Variants in L3MBTL4 observed in about 807,000 individuals in gnomAD.
L3MBTL4 encodes L3MBTL histone methyl-lysine binding protein 4, also known as lethal(3)malignant brain tumor-like protein 4.
In L3MBTL4, 70 loss-of-function variants were observed where a neutral mutation model predicts 84.5. That is an observed-to-expected ratio of 0.83 (90% CI 0.68 to 1.01). The LOEUF (loss-of-function observed/expected upper bound fraction) is 1.01, where lower values mean the gene tolerates loss of function less well. Among genes scored for constraint, L3MBTL4 ranks in the 50% least tolerant of loss-of-function variants. L3MBTL4 has a pLI of 0.00. For missense variants in L3MBTL4, 715 were observed against 754.8 expected (o/e 0.95, Z 0.62); for synonymous variants, 274 against 259.8 (o/e 1.05, Z -0.52).
intron 1 of L3MBTL4, among the ~76,000 whole-genome samples, chr18:6,411,932 T>C (rs945341120): frequency 1.7e-4 from 26 of 152,258 alleles, no homozygotes; most frequent in Non-Finnish European, 8.8e-5. Context: ...CTATAATATA[T>C]TAATACATGA....
intron 1 of L3MBTL4, among the ~76,000 whole-genome samples, chr18:6,413,676 G>T (rs2056064642): frequency 6.6e-6 from 1 of 152,314 alleles, no homozygotes; most frequent in South Asian, 2.1e-4. Flanking sequence ...AAGGATCCAG[G>T]AGATGGGCCA....
At chr18:6,164,737 G>T (rs998985666) in intron 13 of L3MBTL4, among the ~76,000 whole-genome samples, 1 of 152,182 alleles carries the variant, frequency 6.6e-6, no homozygotes, top group Non-Finnish European at 1.5e-5. Flanking sequence ...GTAAAAAACA[G>T]AGCAGAAAAA....
At chr18:5,979,656 T>A (rs2053117969) in intron 16 of L3MBTL4, among the ~76,000 whole-genome samples, 1 of 152,084 alleles carries the variant, frequency 6.6e-6, no homozygotes, top group Non-Finnish European at 1.5e-5. Context: ...CCTTCAATAG[T>A]GGGTTATTTC....
intron 12 of L3MBTL4, among the ~76,000 whole-genome samples, chr18:6,200,235 T>C (rs560457755): frequency 6.6e-6 from 1 of 152,228 alleles, no homozygotes; most frequent in Non-Finnish European, 1.5e-5. Context: ...ATATTTTGTA[T>C]ATCAATTTGG....
At chr18:6,155,532 G>C (rs910873247) in intron 13 of L3MBTL4, among the ~76,000 whole-genome samples, 2 of 152,182 alleles carry the variant, frequency 1.3e-5, no homozygotes, top group Non-Finnish European at 2.9e-5. Flanking sequence ...TTATCCCAAA[G>C]ACTTGGGTAT....
At chr18:6,154,974 T>A (rs909083731) in intron 13 of L3MBTL4, among the ~76,000 whole-genome samples, 1 of 152,206 alleles carries the variant, frequency 6.6e-6, no homozygotes, top group Non-Finnish European at 1.5e-5. Flanking sequence ...CTTGTCAATC[T>A]AAAAAATATA....
chr18:6,103,987 G>T (rs2058916781), intron 14 of L3MBTL4, among the ~76,000 whole-genome samples: 1 of 152,192 alleles, frequency 6.6e-6, no homozygotes, highest in Admixed American at 6.5e-5. Context: ...AACAAGCCAT[G>T]CTCTGCGGAG....
At chr18:6,251,594 T>A (rs2047925800) in intron 5 of L3MBTL4, among the ~76,000 whole-genome samples, 1 of 152,238 alleles carries the variant, frequency 6.6e-6, no homozygotes, top group Non-Finnish European at 1.5e-5. Context: ...GCTTTCCTGT[T>A]TGAGTGATTG....
At chr18:6,341,302 C>A (rs781224753) in intron 1 of L3MBTL4, among the ~76,000 whole-genome samples, 2 of 151,744 alleles carry the variant, frequency 1.3e-5, no homozygotes, top group African/African-American at 2.4e-5. Context: ...CTATGAATTG[C>A]CCAACAAAGA....
chr18:6,179,994 G>A (rs892016230), intron 12 of L3MBTL4, among the ~76,000 whole-genome samples: 6 of 152,244 alleles, frequency 3.9e-5, no homozygotes, highest in African/African-American at 1.4e-4. Context: ...ATTAATAGGG[G>A]CCTCACAGAT....
At chr18:6,377,404 T>A (rs1038427604) in intron 1 of L3MBTL4, among the ~76,000 whole-genome samples, 1 of 152,134 alleles carries the variant, frequency 6.6e-6, no homozygotes, top group Non-Finnish European at 1.5e-5. Context: ...ACACGTGCCA[T>A]GGTGGTTTGC....
At chr18:6,241,496 A>G (rs1011596235) in intron 7 of L3MBTL4, 47 bp from the exon 8 acceptor site, 3 of 1,028,902 alleles carry the variant, frequency 2.9e-6, no homozygotes, top group Admixed American at 4.2e-5. Context: ...ATGTAATCAC[A>G]TGCATATTAA....
intron 16 of L3MBTL4, among the ~76,000 whole-genome samples, chr18:5,998,328 C>T (rs950379093): frequency 2.0e-5 from 3 of 152,186 alleles, no homozygotes; most frequent in South Asian, 2.1e-4. Context: ...CCCTCCCCTG[C>T]GCTGCGTCTG....
intron 18 of L3MBTL4, among the ~76,000 whole-genome samples, chr18:5,958,106 GAAGAAGAAGAAGAAGAAGAAGAAA>G (rs1355648591): frequency 0.021 from 1,888 of 91,208 alleles, 35 homozygotes; most frequent in Admixed American, 0.046. Context: ...AGAAGAAGAA[GAAGAAGAAGAAGAAGAAGAAGAAA>G]AAGAAGAAGA....
intron 13 of L3MBTL4, among the ~76,000 whole-genome samples, chr18:6,160,129 T>A (rs1248638418): frequency 2.0e-5 from 3 of 152,162 alleles, no homozygotes; most frequent in Non-Finnish European, 2.9e-5. Context: ...CACCAAGTGT[T>A]TCCGGACATG....
chr18:5,986,594 A>T (rs2053474236), intron 16 of L3MBTL4, among the ~76,000 whole-genome samples: 1 of 152,206 alleles, frequency 6.6e-6, no homozygotes, highest in Non-Finnish European at 1.5e-5. Flanking sequence ...TTAAGCAAAG[A>T]TTTCAAAATA....
rs551053081 is a variant in L3MBTL4 at position 6,325,919 on chromosome 18, T to C, written c.-90-13863A>G. Among the ~76,000 whole-genome samples the C allele has an allele frequency of 2.5e-4, 38 of 152,308 alleles. No individual in the cohort carries two copies. In the East Asian group the frequency reaches 7.0e-3, roughly 28 times the overall value. On this transcript the variant is annotated intron_variant, in intron 1 of 18. Transcript: ENST00000317931. ...GTCCATTTTTCTGCTTTGAAACCCC[T>C]TTTTCAGCAAGGCTTGCTCCTTTTC...
intron 14 of L3MBTL4, among the ~76,000 whole-genome samples, chr18:6,128,479 A>C (rs560403945): frequency 6.6e-6 from 1 of 152,130 alleles, no homozygotes; most frequent in Non-Finnish European, 1.5e-5. Flanking sequence ...CAGTTCTTGC[A>C]GAGGGGAGGG....
intron 16 of L3MBTL4, among the ~76,000 whole-genome samples, chr18:6,058,358 C>A (rs893433016): frequency 2.0e-5 from 3 of 152,186 alleles, no homozygotes; most frequent in African/African-American, 7.2e-5. Flanking sequence ...TTAGAACAAG[C>A]CTTGAATTGT....
Sources: allele counts gnomAD v4.1 joint callset (sites outside exome capture counted in the v4.1 genomes callset), GRCh38; gene constraint gnomAD v4.1.1; transcripts MANE v1.5; gene names NCBI Gene and HGNC (gene_info 2026-07-23, HGNC 2026-07-21).